LCORL: variants seen among roughly 807,000 people sequenced by gnomAD.
LCORL encodes the protein ligand-dependent nuclear receptor corepressor-like protein.
A neutral mutation model predicts 141.8 loss-of-function variants in LCORL; 41 were observed. The ratio of observed to expected loss-of-function variants is 0.29; its 90% CI spans 0.23 to 0.38. LCORL has a LOEUF of 0.38. LCORL is among the 10% of genes least tolerant of loss of function. The probability of loss-of-function intolerance (pLI) is 1.00; values close to 1 mark genes in which losing one functional copy is unlikely to be tolerated. For missense variants in LCORL, 1,759 were observed against 2,035.0 expected (o/e 0.86, Z 2.61); for synonymous variants, 618 against 694.1 (o/e 0.89, Z 1.72).
exon 8 of LCORL, chr4:17,844,328 C>A (rs1410599718): frequency 6.6e-6 from 1 of 152,304 alleles, no homozygotes; most frequent in Non-Finnish European, 1.5e-5. Flanking sequence ...AACGAAACAC[C>A]TTTTCTCTTT....
intron 4 of LCORL, among the ~76,000 whole-genome samples, chr4:17,956,193 C>T (rs1577539459): frequency 6.6e-6 from 1 of 152,224 alleles, no homozygotes; most frequent in African/African-American, 2.4e-5. Flanking sequence ...GGAAAGGCAA[C>T]TCTTTTACAG....
chr4:17,966,914 G>A lies in LCORL; in HGVS notation c.221-3865C>T, dbSNP rs1715001578. Among the ~76,000 whole-genome samples the A allele has an allele frequency of 5.3e-5, 8 of 152,206 alleles. No homozygotes were observed. The South Asian group carries it at 1.7e-3, about 32-fold the overall frequency. ...AAACTAAACATAGTCTATCAATGAT[G>A]CTCCTAAATATTTACCCAAATGAGT... On this transcript the variant is annotated intron_variant, in intron 2 of 7. Coordinates refer to ENST00000635767, the Ensembl canonical transcript of LCORL.
At chr4:17,890,002 G>T (rs1728854621) in intron 5 of LCORL, among the ~76,000 whole-genome samples, 1 of 151,994 alleles carries the variant, frequency 6.6e-6, no homozygotes. Context: ...AAGGTGGAGG[G>T]GGAGGTAATT....
intron 5 of LCORL, chr4:17,893,350 C>A (rs1176427088): frequency 1.1e-6 from 1 of 939,760 alleles, no homozygotes; most frequent in Non-Finnish European, 1.3e-6. Flanking sequence ...ATATGTGATC[C>A]TTCCATACTA....
intron 6 of LCORL, chr4:17,881,388 A>G (rs942119178): frequency 2.3e-4 from 224 of 976,762 alleles, no homozygotes; most frequent in Non-Finnish European, 2.5e-4. Flanking sequence ...CCTAGTTTGT[A>G]TAATCAAATG....
At chr4:17,918,029 G>A (rs572544163) in intron 4 of LCORL, among the ~76,000 whole-genome samples, 2 of 152,246 alleles carry the variant, frequency 1.3e-5, no homozygotes, top group East Asian at 3.9e-4. Flanking sequence ...AAGACACATG[G>A]AGCCCCCATG....
At chr4:17,984,502 G>A (rs1193346899) in intron 1 of LCORL, among the ~76,000 whole-genome samples, 4 of 151,818 alleles carry the variant, frequency 2.6e-5, no homozygotes, top group Admixed American at 6.6e-5. Context: ...TGTATGGGGG[G>A]GTATATGTGG....
chr4:18,002,486 T>C (rs981756796), intron 1 of LCORL, among the ~76,000 whole-genome samples: 1 of 152,098 alleles, frequency 6.6e-6, no homozygotes, highest in Non-Finnish European at 1.5e-5. Flanking sequence ...AAATAGTTAA[T>C]ATTAAGCTAA....
rs562391607 is a variant in LCORL, at chr4:17,882,553, G to A, written c.776+3515C>T. 9 of 984,642 alleles carry A rather than the reference G, an allele frequency of 9.1e-6. No individual in the cohort carries two copies. In the South Asian group the frequency reaches 4.2e-4, roughly 46 times the overall value. The allele number at this position is 984,642 out of a possible 1,614,324, so 61.0% of individuals were successfully genotyped here. ...CAATTAGTAGAGAGTTTACATTACTGAAAGTTCAAAACAGCTTCAGTGTTA... is the reference window on the plus strand; with the variant it reads ...CAATTAGTAGAGAGTTTACATTACTAAAAGTTCAAAACAGCTTCAGTGTTA... On this transcript the variant is annotated intron_variant, in intron 6 of 7. Transcript: ENST00000635767.
intron 1 of LCORL, among the ~76,000 whole-genome samples, chr4:18,001,284 A>C (rs1203627257): frequency 1.4e-5 from 2 of 143,524 alleles, no homozygotes; most frequent in African/African-American, 5.6e-5. Flanking sequence ...TATACCTGGC[A>C]TAAGTATTAA....
At chr4:17,949,066 C>T (rs1453747289) in intron 4 of LCORL, among the ~76,000 whole-genome samples, 1 of 151,998 alleles carries the variant, frequency 6.6e-6, no homozygotes, top group Non-Finnish European at 1.5e-5. Context: ...TACCCTAATT[C>T]CCCCTTTTCC....
At chr4:17,972,655 G>C (rs964590243) in intron 2 of LCORL, among the ~76,000 whole-genome samples, 165 bp downstream of exon 2, 2 of 150,876 alleles carry the variant, frequency 1.3e-5, no homozygotes, top group African/African-American at 2.4e-5. Flanking sequence ...TTAAAAATAT[G>C]GTATGTAATA....
chr4:17,962,262 A>G (rs1713968869), intron 3 of LCORL, among the ~76,000 whole-genome samples: 1 of 151,998 alleles, frequency 6.6e-6, no homozygotes, highest in Non-Finnish European at 1.5e-5. Flanking sequence ...AGTCAAAAAA[A>G]AAAAAAAGAG....
At chr4:17,994,387 C>T (rs1342435877) in intron 1 of LCORL, among the ~76,000 whole-genome samples, 1 of 152,146 alleles carries the variant, frequency 6.6e-6, no homozygotes, top group Non-Finnish European at 1.5e-5. Context: ...AATGTGGATA[C>T]TTCAGGTATT....
chr4:17,846,236 TGA>T (rs1722915477), intron 7 of LCORL, among the ~76,000 whole-genome samples: 1 of 152,142 alleles, frequency 6.6e-6, no homozygotes, highest in East Asian at 1.9e-4. Context: ...TGGATCAGAA[TGA>T]GAGCCACTTT....
chr4:17,999,011 T>TATATATATACACAC (rs1721452302), intron 1 of LCORL, among the ~76,000 whole-genome samples: 1 of 29,678 alleles, frequency 3.4e-5, no homozygotes, highest in Non-Finnish European at 1.3e-4. Flanking sequence ...TATACACACA[T>TATATATATACACAC]ATATATATAT....
intron 1 of LCORL, among the ~76,000 whole-genome samples, chr4:17,999,272 T>G (rs1210415982): frequency 6.6e-6 from 1 of 151,320 alleles, no homozygotes; most frequent in Non-Finnish European, 1.5e-5. Flanking sequence ...GTGAACACGG[T>G]GAAACCCCGT....
At chr4:18,013,895 C>A (rs976212133) in intron 1 of LCORL, among the ~76,000 whole-genome samples, 4 of 151,896 alleles carry the variant, frequency 2.6e-5, no homozygotes, top group African/African-American at 9.7e-5. Context: ...GCAACCTCCG[C>A]CTCCCGGGTT....
chr4:17,904,655 T>C (rs547239770), intron 5 of LCORL, among the ~76,000 whole-genome samples: 1 of 152,116 alleles, frequency 6.6e-6, no homozygotes, highest in Non-Finnish European at 1.5e-5. Context: ...ACAGTATCTT[T>C]CCCCGTGATT....
Sources: gnomAD v4.1 joint callset for allele counts (sites outside exome capture counted in the v4.1 genomes callset) on GRCh38, gnomAD v4.1.1 for gene constraint, MANE v1.5 for transcripts, NCBI Gene and HGNC (gene_info 2026-07-23, HGNC 2026-07-21) for gene names.